The following CDH20 variants were observed in gnomAD, a reference collection of about 807,000 sequenced individuals.
The protein encoded by CDH20 is cadherin 20, also known as cadherin-20.
A neutral mutation model predicts 74.2 loss-of-function variants in CDH20; 29 were observed. That is an observed-to-expected ratio of 0.39 (90% CI 0.29 to 0.53). The LOEUF (loss-of-function observed/expected upper bound fraction) is 0.53. Among genes scored for constraint, CDH20 ranks in the 20% least tolerant of loss-of-function variants. CDH20 has a pLI of 0.69. For missense variants in CDH20, 988 were observed against 1,048.3 expected (o/e 0.94, Z 0.79); for synonymous variants, 469 against 405.4 (o/e 1.16, Z -1.88).
chr18:61,447,862 A>G (rs1909252471), intron 1 of CDH20, among the ~76,000 whole-genome samples: 1 of 152,162 alleles, frequency 6.6e-6, no homozygotes, highest in African/African-American at 2.4e-5. Context: ...TTTCAGTAAC[A>G]TTCTACCACC....
At chr18:61,517,458 G>A (rs905162641) in intron 6 of CDH20, among the ~76,000 whole-genome samples, 2 of 152,236 alleles carry the variant, frequency 1.3e-5, no homozygotes, top group African/African-American at 4.8e-5. Context: ...AGGGTGGGGC[G>A]TTACCTCACC....
At position 61,478,234 on chromosome 18, in the gene CDH20, T is replaced by G. The variant is rs181924686; in HGVS notation, c.-152-12168T>G. On this transcript the variant is annotated intron_variant, in intron 1 of 11. Transcript: ENST00000262717. ...AAAAAGTAAAATGTTTTTCATATATTTATTGATCATTTTATTTCTGCCTTT... is the reference window on the plus strand; with the variant it reads ...AAAAAGTAAAATGTTTTTCATATATGTATTGATCATTTTATTTCTGCCTTT... Among the ~76,000 whole-genome samples the G allele has an allele frequency of 3.1e-4, 47 of 152,238 alleles. 1 individual carries two copies. The highest frequency in any genetic ancestry group is 3.4e-3 in the Middle Eastern group (1 of 294).
At chr18:61,491,723 G>A (rs150030525) in intron 2 of CDH20, among the ~76,000 whole-genome samples, 2 of 152,088 alleles carry the variant, frequency 1.3e-5, no homozygotes, top group Admixed American at 6.5e-5. Context: ...TCTGGCTTTG[G>A]TCCCTACCTC....
chr18:61,512,005 C>CT (rs2144338675), intron 6 of CDH20, among the ~76,000 whole-genome samples: 1 of 152,332 alleles, frequency 6.6e-6, no homozygotes, highest in East Asian at 1.9e-4. Context: ...ACTCAGATGT[C>CT]TGCTCCACGC....
chr18:61,406,611 A>T (rs889674140), intron 1 of CDH20, among the ~76,000 whole-genome samples: 4 of 152,228 alleles, frequency 2.6e-5, no homozygotes, highest in Non-Finnish European at 4.4e-5. Flanking sequence ...GGATAATGTG[A>T]TAGAATCCCT....
intron 1 of CDH20, among the ~76,000 whole-genome samples, chr18:61,433,730 G>A (rs1168178982): frequency 1.3e-5 from 2 of 152,080 alleles, no homozygotes; most frequent in African/African-American, 4.8e-5. Flanking sequence ...ATTTTACTTG[G>A]GCACTTGCCT....
In CDH20 at chr18:61,350,532, G is replaced by A. The variant is rs535866533; in HGVS notation, c.-153+16705G>A. Among the ~76,000 whole-genome samples, 7 of 152,240 alleles carry A rather than the reference G, an allele frequency of 4.6e-5. No homozygotes were observed. The East Asian group carries it at 1.4e-3, about 30-fold the overall frequency. ...CTAGAACTTATTATTATCTTCTTGG[G>A]AAGAGGAAAGTGTGCTATCTGAGGG... is the stretch of plus-strand genomic sequence containing the variant. On this transcript the variant is annotated intron_variant, in intron 1 of 11. Coordinates refer to ENST00000262717, the MANE Select transcript of CDH20 (RefSeq NM_031891.4).
intron 1 of CDH20, among the ~76,000 whole-genome samples, chr18:61,365,254 T>C (rs1276977546): frequency 6.6e-6 from 1 of 152,224 alleles, no homozygotes; most frequent in East Asian, 1.9e-4. Flanking sequence ...CCATGAGGAA[T>C]GAAAGACATC....
chr18:61,527,543 G>C (rs1912470578), intron 6 of CDH20, among the ~76,000 whole-genome samples: 1 of 152,082 alleles, frequency 6.6e-6, no homozygotes, highest in Non-Finnish European at 1.5e-5. Context: ...GTTTGCCTGG[G>C]ACAGAATAGA....
chr18:61,520,737 ATC>A (rs1185118218), intron 6 of CDH20, among the ~76,000 whole-genome samples: 1 of 151,314 alleles, frequency 6.6e-6, no homozygotes, highest in African/African-American at 2.5e-5. Context: ...AACAAACAGT[ATC>A]TCAGACCACA....
intron 1 of CDH20, among the ~76,000 whole-genome samples, chr18:61,472,112 C>G (rs1179729709): frequency 2.0e-5 from 3 of 152,062 alleles, no homozygotes; most frequent in African/African-American, 7.2e-5. Flanking sequence ...CATTCTTTGT[C>G]CTTCCCCCTC....
At chr18:61,530,508 A>T (rs999752538) in intron 7 of CDH20, among the ~76,000 whole-genome samples, 1 of 152,230 alleles carries the variant, frequency 6.6e-6, no homozygotes, top group Non-Finnish European at 1.5e-5. Flanking sequence ...CTATCAAATA[A>T]TTCAAAAAAT....
chr18:61,420,769 A>G (rs1912847676), intron 1 of CDH20, among the ~76,000 whole-genome samples: 1 of 152,090 alleles, frequency 6.6e-6, no homozygotes, highest in African/African-American at 2.4e-5. Context: ...CTATTAAACA[A>G]TCTGGCTGGG....
At chr18:61,516,746 TA>T in intron 6 of CDH20, among the ~76,000 whole-genome samples, 1 of 152,326 alleles carries the variant, frequency 6.6e-6, no homozygotes, top group East Asian at 1.9e-4. Flanking sequence ...ATTTAAATGT[TA>T]AGAGCTGAGC....
At chr18:61,405,179 C>T (rs1424984335) in intron 1 of CDH20, 1 of 490,604 alleles carries the variant, frequency 2.0e-6, no homozygotes. Context: ...ACTCCAGCGA[C>T]TTTTTTGTCT....
chr18:61,374,779 C>T (rs1316967964), intron 1 of CDH20, among the ~76,000 whole-genome samples: 1 of 152,064 alleles, frequency 6.6e-6, no homozygotes, highest in Non-Finnish European at 1.5e-5. Context: ...CACCTGTCTA[C>T]ACAAAGCAAG....
intron 7 of CDH20, among the ~76,000 whole-genome samples, chr18:61,535,317 G>GAA (rs963960513): frequency 3.4e-5 from 5 of 146,524 alleles, no homozygotes; most frequent in African/African-American, 1.3e-4. Context: ...CTCCACCTCA[G>GAA]AAAAAAAAAA....
At chr18:61,531,982 G>A (rs1189990980) in intron 7 of CDH20, among the ~76,000 whole-genome samples, 1 of 152,206 alleles carries the variant, frequency 6.6e-6, no homozygotes, top group African/African-American at 2.4e-5. Context: ...TTTATTAGCA[G>A]TGTGAGAACG....
chr18:61,424,196 C>T (rs759266228), intron 1 of CDH20, among the ~76,000 whole-genome samples: 2 of 152,222 alleles, frequency 1.3e-5, no homozygotes, highest in Non-Finnish European at 2.9e-5. Context: ...TCACCTCAAA[C>T]ATTTATGACT....
Sources: gnomAD v4.1 joint callset for allele counts (sites outside exome capture counted in the v4.1 genomes callset) on GRCh38, gnomAD v4.1.1 for gene constraint, MANE v1.5 for transcripts, NCBI Gene and HGNC (gene_info 2026-07-23, HGNC 2026-07-21) for gene names.